The following SBF1 variants were observed in gnomAD, a reference collection of about 807,000 sequenced individuals.
SBF1 encodes SET binding factor 1, also known as myotubularin-related protein 5.
Under a neutral mutation model 215.8 loss-of-function variants are expected in SBF1, and 65 were observed. That is an observed-to-expected ratio of 0.30 (90% CI 0.25 to 0.37). The LOEUF (loss-of-function observed/expected upper bound fraction) is 0.37. Ranked by LOEUF, SBF1 falls within the 10% of genes least tolerant of loss-of-function variation. The pLI is 1.00. For synonymous variants in SBF1, 1,410 were observed against 1,122.8 expected, an observed-to-expected ratio of 1.26 and a Z score of -5.11; for missense variants, 2,634 against 2,667.8, an observed-to-expected ratio of 0.99 and a Z score of 0.28.
rs200704106 is a variant in SBF1, at chr22:50,460,597, A to G, written c.3083T>C (p.Leu1028Ser). 1 of 1,614,116 alleles carries G rather than the reference A, an allele frequency of 6.2e-7. No homozygotes were observed. Among genetic ancestry groups the G allele is most frequent in the East Asian group, 2.2e-5 (1 of 44,880 alleles). Residue 1028 changes from leucine to serine, a missense_variant, in exon 24 of 41, where the codon TTG becomes TCG. Physicochemically the swap from Leu to Ser is moderately radical, Grantham distance 145 (BLOSUM62 -2). Coordinates refer to ENST00000380817, the MANE Select transcript of SBF1 (RefSeq NM_002972.4). Reference protein sequence around the residue: ...PDIRATFAFTLGSAHTPGRPP... With the variant: ...PDIRATFAFTSGSAHTPGRPP... ...CCGGCCAGGTGTGTGGGCAGAGCCC[A>G]AGGTGAACGCAAAGGTGGCCCTGAT...
chr22:50,455,711 G>T (rs2064134548), intron 31 of SBF1, 129 bp from the exon 32 acceptor site: 17 of 743,440 alleles, frequency 2.3e-5, no homozygotes, highest in Non-Finnish European at 3.9e-5. Flanking sequence ...CCCAAGCCCT[G>T]TATGCGGGCA....
rs1204483648 is a variant in SBF1 at position 50,465,860 on chromosome 22, C to T, written c.1012-20G>A. On this transcript the variant is annotated intron_variant, in intron 9 of 40. Coordinates refer to ENST00000380817, the MANE Select transcript of SBF1 (RefSeq NM_002972.4). ...CAGGACCTGCCAGCACAGAATGGAG[C>T]AGGCAGCTGCACGCTGGCCCCGGCT... is the stretch of plus-strand genomic sequence containing the variant. The T allele has an allele frequency of 2.5e-6, 4 of 1,612,996 alleles. No individual in the cohort carries two copies. Among genetic ancestry groups the T allele is most frequent in the Non-Finnish European group, 2.5e-6 (3 of 1,179,626 alleles).
rs777147291 is a variant in SBF1 at position 50,459,369 on chromosome 22, T to C, written c.3712A>G (p.Ser1238Gly). 1.9e-6 allele frequency: 3 copies of C among 1,612,384 alleles called. No homozygotes were observed. Among genetic ancestry groups the C allele is most frequent in the Non-Finnish European group, 2.5e-6 (3 of 1,179,350 alleles). Residue 1238 changes from serine (S) to glycine (G), a missense_variant, in exon 28 of 41, where the codon AGC (serine) becomes GGC (glycine). By Grantham distance (56) the Ser-to-Gly change is moderately conservative (BLOSUM62 0). Coordinates refer to ENST00000380817, the MANE Select transcript of SBF1 (RefSeq NM_002972.4). ...SPGQSQADSS[S>G]LEQEKYLQAV... ...TGCAGGTACTTCTCCTGCTCCAGGC[T>C]ACTCGAGTCCGCCTGGGACTGGCCT...
chr22:50,456,101 C>A, intron 31 of SBF1, 115 bp downstream of exon 31: 2 of 1,156,602 alleles, frequency 1.7e-6, no homozygotes, highest in South Asian at 1.6e-5. Flanking sequence ...GCTGTCACCT[C>A]CTCCTTCCAG....
Position 50,454,812 on chromosome 22 carries a change from A to C in SBF1, c.4812+2T>G, listed in dbSNP as rs1466916671. ...GCCTACCCGACCCAGGCCCCAGCTT[A>C]CCTCTGCGTCCTCGGGCGCATACAT... On this transcript the variant is annotated splice_donor_variant, in intron 35 of 40. Coordinates refer to ENST00000380817, the MANE Select transcript of SBF1 (RefSeq NM_002972.4). LOFTEE classifies it high-confidence loss of function. The C allele has an allele frequency of 6.2e-7, 1 of 1,613,536 alleles. No individual in the cohort carries two copies. Among genetic ancestry groups the C allele is most frequent in the African/African-American group, 1.3e-5 (1 of 74,874 alleles).
rs1000416950 is a variant in SBF1 at position 50,466,265 on chromosome 22, A to G, written c.789-7T>C. 6.2e-6 allele frequency: 10 copies of G among 1,613,404 alleles called. No individual in the cohort carries two copies. The highest frequency in any genetic ancestry group is 7.6e-6 in the Non-Finnish European group (9 of 1,179,960). On this transcript the variant is annotated splice_polypyrimidine_tract_variant and splice_region_variant and intron_variant, in intron 7 of 40. Transcript: ENST00000380817. The stretch of plus-strand genomic sequence containing the variant: ...GATGGGCACATAGGTGAAGCTGTGC[A>G]GGCCCCAGAGGATGCAGTGAGCCAG...
chr22:50,458,070 C>A (rs1302769164), intron 28 of SBF1, among the ~76,000 whole-genome samples: 2 of 152,126 alleles, frequency 1.3e-5, no homozygotes, highest in South Asian at 2.1e-4. Flanking sequence ...GAGGCCGAGG[C>A]GGGCGGATCA....
At chr22:50,461,416 G>T in intron 22 of SBF1, 107 bp downstream of exon 22, 1 of 1,491,326 alleles carries the variant, frequency 6.7e-7, no homozygotes, top group Non-Finnish European at 8.9e-7. Context: ...CGTTTCCCAC[G>T]GGCACCCAGA....
Position 50,467,553 on chromosome 22 carries a change from G to C in SBF1, c.417C>G (p.Leu139=), listed in dbSNP as rs561411708. The change falls in exon 4 of 41, where the codon CTC becomes CTG. Residue 139 remains leucine (L), a synonymous_variant. Coordinates refer to ENST00000380817, the MANE Select transcript of SBF1 (RefSeq NM_002972.4). ...APKTLVLVSR[L]DHTEVFRNSL... ...TCACCCTGAACACCTCCGTGTGGTC[G>C]AGTCGCGACACCAGTACCAGCGTCT... 7 of 1,614,156 alleles carry C rather than the reference G, an allele frequency of 4.3e-6. No individual in the cohort carries two copies. The highest frequency in any genetic ancestry group is 1.7e-6 in the Non-Finnish European group (2 of 1,180,014).
Position 50,456,293 on chromosome 22 carries a change from C to T in SBF1, c.4189G>A (p.Val1397Ile), listed in dbSNP as rs747153384. The change falls in exon 31 of 41, where the codon GTC (valine) becomes ATC (isoleucine). Residue 1397 changes from valine to isoleucine, a missense_variant. Coordinates refer to ENST00000380817, the MANE Select transcript of SBF1 (RefSeq NM_002972.4). ...GGCTCAGCAGCGGGGCAGCCTGGGACACATGCTTTCAGCAGCTTCTTGAAG... is the reference window on the plus strand; with the variant it reads ...GGCTCAGCAGCGGGGCAGCCTGGGATACATGCTTTCAGCAGCTTCTTGAAG... ...ASFKKLLKAC[V>I]PGCPAAEPSP... 1.2e-6 allele frequency: 2 copies of T among 1,612,888 alleles called. No homozygotes were observed. Among genetic ancestry groups the T allele is most frequent in the Non-Finnish European group, 1.7e-6 (2 of 1,180,000 alleles).
In SBF1 at chr22:50,465,228, A is replaced by G. The variant is rs1292771815; in HGVS notation, c.1190T>C (p.Ile397Thr). 3 of 1,612,516 alleles carry G rather than the reference A, an allele frequency of 1.9e-6. No individual in the cohort carries two copies. The highest frequency in any genetic ancestry group is 2.5e-6 in the Non-Finnish European group (3 of 1,179,498). Residue 397 changes from isoleucine (I) to threonine (T), a missense_variant, in exon 11 of 41, where the codon ATC (isoleucine) becomes ACC (threonine). Transcript: ENST00000380817. Reference protein sequence around the residue: ...HVVRIHPEPVIRFHKAAFLGQ... With the variant: ...HVVRIHPEPVTRFHKAAFLGQ... ...CAGGCACCCCACCTTATGGAAGCGG[A>G]TGACAGGCTCCGGGTGGATGCGCAC...
chr22:50,459,756 G>C, intron 26 of SBF1, 90 bp from the exon 27 acceptor site: 1 of 1,409,110 alleles, frequency 7.1e-7, no homozygotes, highest in Admixed American at 2.4e-5. Context: ...CCAGCCCATG[G>C]CTCCCAGCAG....
In SBF1 at chr22:50,446,770, G is replaced by T; in HGVS notation, c.*372C>A. 1 of 549,312 alleles carries T rather than the reference G, an allele frequency of 1.8e-6. No individual in the cohort carries two copies. The highest frequency in any genetic ancestry group is 3.5e-6 in the Non-Finnish European group (1 of 284,966). The allele number at this position is 549,312 out of a possible 1,614,324, so 34.0% of individuals were successfully genotyped here. A position where few individuals can be genotyped will look rare whatever the true frequency, so the allele number is the denominator to read the frequency against. The stretch of plus-strand genomic sequence containing the variant: ...GGACCCTCTGGGTAGGCCGAGAGCA[G>T]GCAGCCGGGGAGTGGGGAAGGCAGG... On this transcript the variant is annotated 3_prime_UTR_variant, in exon 41 of 41. Coordinates refer to ENST00000380817, the MANE Select transcript of SBF1 (RefSeq NM_002972.4).
chr22:50,468,926 G>A (rs576098007), intron 1 of SBF1, among the ~76,000 whole-genome samples: 37 of 152,162 alleles, frequency 2.4e-4, no homozygotes, highest in African/African-American at 8.4e-4. Context: ...TCTGTGTGGG[G>A]TTCAAGAAGC....
intron 36 of SBF1, among the ~76,000 whole-genome samples, chr22:50,453,841 G>A (rs2067142475): frequency 6.6e-6 from 1 of 151,848 alleles, no homozygotes; most frequent in East Asian, 1.9e-4. Flanking sequence ...GTGGGGAGCT[G>A]AGTGCAGGTC....
At position 50,463,364 on chromosome 22, in the gene SBF1, G is replaced by A; in HGVS notation, c.1818C>T (p.His606=). The change falls in exon 16 of 41, where the codon CAC becomes CAT. Residue 606 remains histidine, a synonymous_variant. Coordinates refer to ENST00000380817, the MANE Select transcript of SBF1 (RefSeq NM_002972.4). ...AARRCLAQEL[H]LHVQQNRAVL... ...CCGCACGGTTCTGCTGCACATGCAG[G>A]TGCAGCTCCTGGGCGAGGCAGCGGC... 6.2e-7 allele frequency: 1 copy of A among 1,609,724 alleles called. No individual in the cohort carries two copies. The highest frequency in any genetic ancestry group is 8.5e-7 in the Non-Finnish European group (1 of 1,177,962).
intron 38 of SBF1, 21 bp from the exon 39 acceptor site, chr22:50,447,630 G>A (rs1165185703): frequency 4.4e-6 from 7 of 1,574,532 alleles, no homozygotes; most frequent in South Asian, 1.1e-5. Context: ...AGCAGAACCA[G>A]GGCCAGGCTG....
intron 36 of SBF1, among the ~76,000 whole-genome samples, chr22:50,449,987 A>G (rs557311178): frequency 6.0e-4 from 92 of 152,334 alleles, no homozygotes; most frequent in African/African-American, 2.1e-3. Context: ...GCCCAGCCAC[A>G]GTGCAGGGAG....
At chr22:50,472,434 A>C (rs1295900513) in intron 1 of SBF1, among the ~76,000 whole-genome samples, 1 of 152,174 alleles carries the variant, frequency 6.6e-6, no homozygotes. Flanking sequence ...CTAGCCTGAC[A>C]GAACAGAGAG....
Sources: gnomAD v4.1 joint callset for allele counts (sites outside exome capture counted in the v4.1 genomes callset) on GRCh38, gnomAD v4.1.1 for gene constraint, MANE v1.5 for transcripts, NCBI Gene and HGNC (gene_info 2026-07-23, HGNC 2026-07-21) for gene names.